Variants in ALG5 observed in about 807,000 individuals in gnomAD.
ALG5 encodes dolichyl-phosphate beta-glucosyltransferase.
Under a neutral mutation model 51.8 loss-of-function variants are expected in ALG5, and 26 were observed. That is an observed-to-expected ratio of 0.50 (90% confidence interval 0.37 to 0.70). The LOEUF (loss-of-function observed/expected upper bound fraction) is 0.70, where lower values mean the gene tolerates loss of function less well. Among genes scored for constraint, ALG5 ranks in the 30% least tolerant of loss-of-function variants. The pLI is 0.00. For missense variants in ALG5, 311 were observed against 399.3 expected (o/e 0.78, Z 1.88); for synonymous variants, 141 against 136.1 (o/e 1.04, Z -0.25).
At chr13:36,992,508 GT>G (rs1223425575) in intron 4 of ALG5, among the ~76,000 whole-genome samples, 1 of 152,188 alleles carries the variant, frequency 6.6e-6, no homozygotes, top group Non-Finnish European at 1.5e-5. Flanking sequence ...ATATAACATT[GT>G]TAAAGCCACA....
Position 36,949,747 on chromosome 13 carries a change from A to C in ALG5, c.*195T>G. The C allele has an allele frequency of 2.4e-6, 1 of 424,850 alleles. No homozygotes were observed. The highest frequency in any genetic ancestry group is 4.1e-6 in the Non-Finnish European group (1 of 242,218). The allele number at this position is 424,850 out of a possible 1,614,324, so 26.3% of individuals were successfully genotyped here. On this transcript the variant is annotated 3_prime_UTR_variant, in exon 10 of 10. Coordinates refer to ENST00000239891, the MANE Select transcript of ALG5 (RefSeq NM_013338.5). Reference sequence around the variant, plus strand: ...CAAACAAAAGAAAATCTGACTTTTTAAATAAACATCTTTTAAAAATCATTT... The same window carrying C: ...CAAACAAAAGAAAATCTGACTTTTTCAATAAACATCTTTTAAAAATCATTT...
At chr13:36,973,035 TA>T (rs1218316987) in intron 6 of ALG5, among the ~76,000 whole-genome samples, 9 of 117,916 alleles carry the variant, frequency 7.6e-5, no homozygotes, top group Admixed American at 2.5e-4. Context: ...TTAAAACCAA[TA>T]AAAATGCCAA....
At position 36,965,621 on chromosome 13, in the gene ALG5, G is replaced by T; in HGVS notation, c.727C>A (p.Arg243=). The change falls in exon 8 of 10, where the codon CGA becomes AGA. Residue 243 remains arginine, a synonymous_variant. Transcript: ENST00000239891. ...GAAAACGTCCGTGAAGCTGCTTCTCGAGTAAATAATTTGAACCCACACTGT... is the reference window on the plus strand; with the variant it reads ...GAAAACGTCCGTGAAGCTGCTTCTCTAGTAAATAATTTGAACCCACACTGT... The part of the protein sequence containing the change: ...DTQCGFKLFT[R]EAASRTFSSL... The T allele has an allele frequency of 6.2e-7, 1 of 1,613,992 alleles. No individual in the cohort carries two copies. The highest frequency in any genetic ancestry group is 8.5e-7 in the Non-Finnish European group (1 of 1,179,974).
At chr13:36,974,719 C>T (rs1049725739) in intron 6 of ALG5, among the ~76,000 whole-genome samples, 6 of 151,812 alleles carry the variant, frequency 4.0e-5, no homozygotes, top group African/African-American at 1.2e-4. Context: ...AAAGCCCCCC[C>T]ACCACCATCC....
chr13:36,977,852 C>G (rs1442003141), intron 6 of ALG5, among the ~76,000 whole-genome samples: 1 of 130,694 alleles, frequency 7.7e-6, no homozygotes, highest in Non-Finnish European at 1.6e-5. Context: ...ATATTATCTT[C>G]TAGCAAGAAA....
intron 6 of ALG5, among the ~76,000 whole-genome samples, chr13:36,977,944 T>C (rs1431133111): frequency 6.7e-6 from 1 of 150,076 alleles, no homozygotes; most frequent in African/African-American, 2.4e-5. Flanking sequence ...TGGAGTACAG[T>C]GGCAAGATCT....
At chr13:36,959,259 A>C (rs887271376) in intron 8 of ALG5, among the ~76,000 whole-genome samples, 1 of 152,004 alleles carries the variant, frequency 6.6e-6, no homozygotes, top group Non-Finnish European at 1.5e-5. Context: ...AGACAGGGGG[A>C]ATAAGGTTTT....
chr13:36,975,088 G>A (rs2058944128), intron 6 of ALG5, among the ~76,000 whole-genome samples: 1 of 152,216 alleles, frequency 6.6e-6, no homozygotes, highest in Non-Finnish European at 1.5e-5. Flanking sequence ...GCATGCGCCT[G>A]TAGTCCCAGC....
rs751173250 is a variant in ALG5 at position 36,995,550 on chromosome 13, T to A, written c.113A>T (p.His38Leu). The change falls in exon 2 of 10, where the codon CAT (histidine) becomes CTT (leucine). Residue 38 changes from histidine to leucine, a missense_variant. By Grantham distance (99) the His-to-Leu change is moderately conservative (BLOSUM62 -3). Coordinates refer to ENST00000239891, the MANE Select transcript of ALG5 (RefSeq NM_013338.5). ...GAAGAATTTCTCTTCTTCATGTCGA[T>A]GGAGTGCTGGCATTTTTGTAGCAGT... Reference protein sequence around the residue: ...FTTATKMPALHRHEEEKFFLN... With the variant: ...FTTATKMPALLRHEEEKFFLN... The A allele has an allele frequency of 2.5e-6, 4 of 1,606,746 alleles. No homozygotes were observed. In the African/African-American group the frequency reaches 4.0e-5, roughly 16 times the overall value.
At chr13:36,999,136 C>T in intron 1 of ALG5, 99 bp downstream of exon 1, 7 of 1,180,280 alleles carry the variant, frequency 5.9e-6, no homozygotes, top group Non-Finnish European at 5.6e-6. Flanking sequence ...AGGGACTTCT[C>T]CGAGAACTGG....
At chr13:36,953,698 T>C (rs1293998527) in intron 8 of ALG5, among the ~76,000 whole-genome samples, 2 of 152,194 alleles carry the variant, frequency 1.3e-5, no homozygotes, top group Non-Finnish European at 2.9e-5. Context: ...ATTTGGGAGA[T>C]TTTTTGGTTT....
At chr13:36,974,135 C>T (rs1427744026) in intron 6 of ALG5, among the ~76,000 whole-genome samples, 1 of 152,170 alleles carries the variant, frequency 6.6e-6, no homozygotes, top group Non-Finnish European at 1.5e-5. Context: ...ATAGTGCAAT[C>T]TCCAAGACAC....
chr13:36,993,312 G>A (rs2059033674), intron 4 of ALG5, among the ~76,000 whole-genome samples: 1 of 152,170 alleles, frequency 6.6e-6, no homozygotes, highest in African/African-American at 2.4e-5. Context: ...AAGAAACTGT[G>A]CTTAGGGAAA....
intron 6 of ALG5, among the ~76,000 whole-genome samples, chr13:36,984,219 C>T (rs148532762): frequency 1.3e-5 from 2 of 151,848 alleles, no homozygotes; most frequent in Non-Finnish European, 1.5e-5. Context: ...CTGCCTCAGC[C>T]TCCTAAGTAG....
chr13:36,967,692 G>GA (rs1227581796), intron 7 of ALG5: 1 of 568,766 alleles, frequency 1.8e-6, no homozygotes, highest in African/African-American at 1.9e-5. Flanking sequence ...AGATAGGGCA[G>GA]AAACCTCATC....
Position 36,992,300 on chromosome 13 carries a change from A to G in ALG5, c.354+1304T>C, listed in dbSNP as rs2138827714. On this transcript the variant is annotated intron_variant, in intron 4 of 9. Transcript: ENST00000239891. Reference sequence around the variant, plus strand: ...ATTTTAGTGCCAGTCAGAACTCTCGACTTCTGCTTAACAGCTGAAGAAATG... The same window carrying G: ...ATTTTAGTGCCAGTCAGAACTCTCGGCTTCTGCTTAACAGCTGAAGAAATG... Among the ~76,000 whole-genome samples, 2 of 152,306 alleles carry G rather than the reference A, an allele frequency of 1.3e-5. 1 individual carries two copies. Among genetic ancestry groups the G allele is most frequent in the South Asian group, 4.1e-4 (2 of 4,820 alleles).
At chr13:36,998,014 C>A (rs2059059439) in intron 1 of ALG5, among the ~76,000 whole-genome samples, 1 of 152,090 alleles carries the variant, frequency 6.6e-6, no homozygotes, top group Admixed American at 6.5e-5. Flanking sequence ...GATTTAATAA[C>A]TCCTATTAAA....
chr13:36,986,407 A>T (rs1329978035), intron 5 of ALG5, among the ~76,000 whole-genome samples: 1 of 152,316 alleles, frequency 6.6e-6, no homozygotes, highest in East Asian at 1.9e-4. Context: ...AATAAACTGC[A>T]CATCAACTTT....
intron 7 of ALG5, 93 bp from the exon 8 acceptor site, chr13:36,965,819 T>C (rs2058890611): frequency 1.9e-6 from 2 of 1,054,730 alleles, no homozygotes; most frequent in Non-Finnish European, 2.7e-6. Flanking sequence ...ATTTTAATAT[T>C]TAATTGACTG....
Sources: allele counts gnomAD v4.1 joint callset (sites outside exome capture counted in the v4.1 genomes callset), GRCh38; gene constraint gnomAD v4.1.1; transcripts MANE v1.5; gene names NCBI Gene and HGNC (gene_info 2026-07-23, HGNC 2026-07-21).